Variants in ALDH1A1 observed in about 807,000 individuals in gnomAD.
The protein encoded by ALDH1A1 is aldehyde dehydrogenase 1A1.
In ALDH1A1, 19 loss-of-function variants were observed where a neutral mutation model predicts 62.1. The ratio of observed to expected loss-of-function variants is 0.31; its 90% CI spans 0.21 to 0.45. The LOEUF (loss-of-function observed/expected upper bound fraction) is 0.45. Ranked by LOEUF, ALDH1A1 falls within the 20% of genes least tolerant of loss-of-function variation. ALDH1A1 has a pLI of 1.00. For missense variants in ALDH1A1, 521 were observed against 607.1 expected (o/e 0.86, Z 1.49); for synonymous variants, 231 against 215.9 (o/e 1.07, Z -0.61).
intron 2 of ALDH1A1, among the ~76,000 whole-genome samples, chr9:72,936,879 C>T (rs369160502): frequency 1.3e-5 from 2 of 152,062 alleles, no homozygotes; most frequent in African/African-American, 4.8e-5. Flanking sequence ...CACTTTAGTT[C>T]GGTGGTTCAA....
intron 11 of ALDH1A1, among the ~76,000 whole-genome samples, chr9:72,908,615 GAAA>G (rs1829934179): frequency 9.6e-6 from 1 of 104,390 alleles, no homozygotes; most frequent in African/African-American, 3.2e-5. Context: ...AAGAAAGAAA[GAAA>G]GAAAGAAAGA....
At chr9:72,950,755 AAC>A (rs1428235554) in intron 1 of ALDH1A1, among the ~76,000 whole-genome samples, 1 of 151,896 alleles carries the variant, frequency 6.6e-6, no homozygotes, top group Non-Finnish European at 1.5e-5. Context: ...ACAGAAAAAT[AAC>A]ACAAGACTTT....
At chr9:72,930,304 T>A (rs1397233424) in intron 3 of ALDH1A1, among the ~76,000 whole-genome samples, 1 of 151,942 alleles carries the variant, frequency 6.6e-6, no homozygotes, top group African/African-American at 2.4e-5. Flanking sequence ...ACCACATTAA[T>A]AATTGGATTT....
chr9:72,926,245 T>C (rs1230051644), intron 5 of ALDH1A1, among the ~76,000 whole-genome samples: 1 of 152,344 alleles, frequency 6.6e-6, no homozygotes, highest in East Asian at 1.9e-4. Context: ...ACACAATGAC[T>C]GGTCTAGCAT....
At position 72,952,992 on chromosome 9, in the gene ALDH1A1, G is replaced by T. The variant is rs770312696; in HGVS notation, c.9C>A (p.Ser3=). MS[S]SGTPDLPVLL... ...GGACAGGTAAGTCTGGCGTGCCTGA[G>T]GATGACATTTCTGATTCGGCTCCTG... Residue 3 remains serine, a synonymous_variant, in exon 1 of 13, where the codon TCC becomes TCA. Coordinates refer to ENST00000297785, the MANE Select transcript of ALDH1A1 (RefSeq NM_000689.5). The T allele has an allele frequency of 2.1e-5, 34 of 1,613,126 alleles. No homozygotes were observed. Among genetic ancestry groups the T allele is most frequent in the Non-Finnish European group, 2.6e-5 (31 of 1,179,322 alleles).
intron 4 of ALDH1A1, among the ~76,000 whole-genome samples, chr9:72,928,283 T>C (rs751730775): frequency 1.2e-4 from 19 of 152,152 alleles, no homozygotes; most frequent in Non-Finnish European, 2.5e-4. Flanking sequence ...TTAGTATTTC[T>C]ACTCCATTAT....
chr9:72,917,173 G>T, intron 8 of ALDH1A1, 69 bp from the exon 9 acceptor site: 1 of 1,192,722 alleles, frequency 8.4e-7, no homozygotes. Context: ...TTTCTCAGAG[G>T]CAACATGGAG....
chr9:72,901,275 T>A lies in ALDH1A1; in HGVS notation c.1439A>T (p.Glu480Val). 6.2e-7 allele frequency: 1 copy of A among 1,607,084 alleles called. No individual in the cohort carries two copies. Among genetic ancestry groups the A allele is most frequent in the East Asian group, 2.2e-5 (1 of 44,722 alleles). Residue 480 changes from glutamate (E) to valine (V), a missense_variant, in exon 13 of 13, where the codon GAG becomes GTG. Glu to Val is a moderately radical substitution (Grantham distance 121, BLOSUM62 -2). Transcript: ENST00000297785. ...CTCTGTATATTCATGGAAACCGTAC[T>A]CTCCCCTAGAGAGAAGAAAAACATA... ...KMSGNGRELGEYGFHEYTEVK... is the reference protein window; with the variant it reads ...KMSGNGRELGVYGFHEYTEVK...
intron 2 of ALDH1A1, 34 bp downstream of exon 2, chr9:72,940,114 T>G (rs1198203910): frequency 6.6e-7 from 1 of 1,517,580 alleles, no homozygotes; most frequent in African/African-American, 1.4e-5. Flanking sequence ...CCAAGAAACC[T>G]GGCATAAAAT....
intron 8 of ALDH1A1, 138 bp from the exon 9 acceptor site, chr9:72,917,242 C>G (rs1830077851): frequency 1.8e-6 from 1 of 547,434 alleles, no homozygotes; most frequent in East Asian, 3.8e-5. Flanking sequence ...TTACCTCCTA[C>G]CAGCCAGGTG....
At chr9:72,910,715 G>A (rs1829971549) in intron 10 of ALDH1A1, among the ~76,000 whole-genome samples, 1 of 152,100 alleles carries the variant, frequency 6.6e-6, no homozygotes, top group Non-Finnish European at 1.5e-5. Flanking sequence ...AATGAAGGAA[G>A]ACAAAAATCA....
chr9:72,928,397 G>C (rs1005509038), intron 4 of ALDH1A1, among the ~76,000 whole-genome samples: 1 of 152,144 alleles, frequency 6.6e-6, no homozygotes, highest in Non-Finnish European at 1.5e-5. Flanking sequence ...TATTTGAAAC[G>C]AGTCCGTGTG....
rs993147123 is a variant in ALDH1A1, at chr9:72,951,989, T to A, written c.66+946A>T. On this transcript the variant is annotated intron_variant, in intron 1 of 12. Coordinates refer to ENST00000297785, the MANE Select transcript of ALDH1A1 (RefSeq NM_000689.5). ...CCATGGTTACAAGTGAGGAAATAAA[T>A]ATATAACAGTGGGGACTTTTACTTT... 2.6e-5 allele frequency among the ~76,000 whole-genome samples: 4 copies of A among 151,940 alleles called. No homozygotes were observed. In the East Asian group the frequency reaches 7.7e-4, roughly 29 times the overall value.
At chr9:72,908,519 GA>G (rs1186874487) in intron 11 of ALDH1A1, among the ~76,000 whole-genome samples, 3 of 105,150 alleles carry the variant, frequency 2.9e-5, no homozygotes, top group Non-Finnish European at 5.8e-5. Context: ...AAGAAAGAAA[GA>G]AAGAAAGAAA....
At chr9:72,918,643 G>C in intron 8 of ALDH1A1, 77 bp downstream of exon 8, 1 of 181,622 alleles carries the variant, frequency 5.5e-6, no homozygotes, top group Non-Finnish European at 1.0e-5. Flanking sequence ...TTTTTGTAAA[G>C]TTCAAGTTCA....
intron 2 of ALDH1A1, among the ~76,000 whole-genome samples, chr9:72,932,388 C>T (rs142604886): frequency 1.7e-3 from 252 of 152,230 alleles, no homozygotes; most frequent in African/African-American, 5.8e-3. Context: ...CAAGAAGACC[C>T]ACACTTACAA....
At chr9:72,908,719 G>C (rs957553942) in intron 11 of ALDH1A1, among the ~76,000 whole-genome samples, 5 of 151,914 alleles carry the variant, frequency 3.3e-5, no homozygotes, top group Non-Finnish European at 7.4e-5. Context: ...CCAAAATTAG[G>C]CTAATGGGAC....
intron 1 of ALDH1A1, among the ~76,000 whole-genome samples, chr9:72,948,135 T>C (rs1284084317): frequency 6.6e-6 from 1 of 151,832 alleles, no homozygotes. Flanking sequence ...TTGGCCAAGG[T>C]CATATAATTA....
At position 72,901,142 on chromosome 9, in the gene ALDH1A1, A is replaced by G. The variant is rs1829798433; in HGVS notation, c.*66T>C. On this transcript the variant is annotated 3_prime_UTR_variant, in exon 13 of 13. Coordinates refer to ENST00000297785, the MANE Select transcript of ALDH1A1 (RefSeq NM_000689.5). ...AAGAAAAATTTTGTCTTTAAAATCT[A>G]CTATATTAGTGACTGTAAGGAGATG... 2 of 1,239,518 alleles carry G rather than the reference A, an allele frequency of 1.6e-6. No homozygotes were observed. Among genetic ancestry groups the G allele is most frequent in the African/African-American group, 1.5e-5 (1 of 65,814 alleles). 76.8% of individuals were successfully genotyped at this position (1,239,518 alleles called of 1,614,324 possible).
Sources: gnomAD v4.1 joint callset for allele counts (sites outside exome capture counted in the v4.1 genomes callset) on GRCh38, gnomAD v4.1.1 for gene constraint, MANE v1.5 for transcripts, NCBI Gene and HGNC (gene_info 2026-07-23, HGNC 2026-07-21) for gene names.